SLC30A10: variants seen among roughly 807,000 people sequenced by gnomAD.
The protein encoded by SLC30A10 is solute carrier family 30 member 10.
Under a neutral mutation model 21.7 loss-of-function variants are expected in SLC30A10, and 8 were observed. The observed-to-expected ratio is 0.37, with a 90% CI of 0.22 to 0.67. The LOEUF is 0.67. Ranked by LOEUF, SLC30A10 falls within the 30% of genes least tolerant of loss-of-function variation. SLC30A10 has a pLI of 0.58. For missense variants in SLC30A10, 521 were observed against 642.5 expected, an observed-to-expected ratio of 0.81 and a Z score of 2.04; for synonymous variants, 272 against 279.4, an observed-to-expected ratio of 0.97 and a Z score of 0.26.
intron 1 of SLC30A10, among the ~76,000 whole-genome samples, chr1:219,942,882 T>C (rs547182746): frequency 6.6e-6 from 1 of 152,166 alleles, no homozygotes; most frequent in East Asian, 1.9e-4. Flanking sequence ...CCATCTCTAC[T>C]GAAAATACAA....
intron 1 of SLC30A10, among the ~76,000 whole-genome samples, chr1:219,956,446 AT>A (rs1660353616): frequency 6.6e-6 from 1 of 151,218 alleles, no homozygotes; most frequent in South Asian, 2.1e-4. Context: ...CCTATCACTT[AT>A]TTAAACTAGA....
chr1:219,933,698 A>G (rs751524847), intron 1 of SLC30A10, among the ~76,000 whole-genome samples: 44 of 152,298 alleles, frequency 2.9e-4, no homozygotes, highest in Admixed American at 9.1e-4. Context: ...TTTTAAATCC[A>G]AGTTTAGAGA....
Position 219,918,049 on chromosome 1 carries a change from G to A in SLC30A10, c.958+206C>T, listed in dbSNP as rs1037880735. Among the ~76,000 whole-genome samples the A allele has an allele frequency of 6.6e-6, 1 of 152,072 alleles. No individual in the cohort carries two copies. Among genetic ancestry groups the A allele is most frequent in the Non-Finnish European group, 1.5e-5 (1 of 68,014 alleles). On this transcript the variant is annotated intron_variant, in intron 3 of 3. Transcript: ENST00000366926. The surrounding 1 kb of genome is among the most constrained non-coding windows in gnomAD (Gnocchi z 4.4). Reference sequence around the variant, plus strand: ...TTCTTAAAAATTTGCAGTTGAGTCAGAGAATCACGGATTGCAAAGGACCTT... The same window carrying A: ...TTCTTAAAAATTTGCAGTTGAGTCAAAGAATCACGGATTGCAAAGGACCTT...
At chr1:219,928,617 G>T, upstream of SLC30A10, 1 of 561,412 alleles carries the variant, frequency 1.8e-6, no homozygotes, top group Non-Finnish European at 3.0e-6. The surrounding 1 kb of genome is among the most constrained non-coding windows in gnomAD (Gnocchi z 6.3). Context: ...ACCAGTCCCC[G>T]CACGTCCAGA....
In SLC30A10 at chr1:219,927,917, T is replaced by C. The variant is rs2102535122; in HGVS notation, c.524A>G (p.Asp175Gly). The change falls in exon 1 of 4, where the codon GAC (aspartate) becomes GGC (glycine). Residue 175 changes from aspartate to glycine, a missense_variant. Coordinates refer to ENST00000366926, the MANE Select transcript of SLC30A10 (RefSeq NM_018713.3). ...GAFGGPQGAEDPRRAADPTAP... is the reference protein window; with the variant it reads ...GAFGGPQGAEGPRRAADPTAP... ...TGTCGGGTCCGCCGCGCGCCGCGGG[T>C]CCTCCGCGCCCTGAGGCCCCCCGAA... The C allele has an allele frequency of 6.5e-7, 1 of 1,536,608 alleles. No individual in the cohort carries two copies. Among genetic ancestry groups the C allele is most frequent in the Non-Finnish European group, 8.8e-7 (1 of 1,141,704 alleles).
upstream of SLC30A10, among the ~76,000 whole-genome samples, chr1:219,929,505 G>A (rs1253575804): frequency 6.6e-6 from 1 of 150,418 alleles, no homozygotes; most frequent in Non-Finnish European, 1.5e-5. Flanking sequence ...CTACATGAAG[G>A]TTTATTCCAA....
At position 219,912,669 on chromosome 1, in the gene SLC30A10, C is replaced by G. The variant is rs1157807478; in HGVS notation, c.*2780G>C. ...CTAACATGGTGAAACCCGGTCTCTA[C>G]TAAAAATACAAAAAATTAGCCGGGC... On this transcript the variant is annotated 3_prime_UTR_variant, in exon 4 of 4. Coordinates refer to ENST00000366926, the MANE Select transcript of SLC30A10 (RefSeq NM_018713.3). Among the ~76,000 whole-genome samples the G allele has an allele frequency of 6.6e-6, 1 of 152,056 alleles. No individual in the cohort carries two copies. The highest frequency in any genetic ancestry group is 2.4e-5 in the African/African-American group (1 of 41,404).
At position 219,928,488 on chromosome 1, in the gene SLC30A10, C is replaced by T; in HGVS notation, c.-48G>A. On this transcript the variant is annotated 5_prime_UTR_variant, in exon 1 of 4. Transcript: ENST00000366926. This position sits in a 1 kb window ranked among gnomAD's most constrained non-coding sequence, Gnocchi z 6.3. ...CGGCGCCGCCCAGGGGAGCGCAGCC[C>T]ACCCCGCGCGCAGCCACAGGTGGGG... 1 of 1,461,454 alleles carries T rather than the reference C, an allele frequency of 6.8e-7. No individual in the cohort carries two copies. Among genetic ancestry groups the T allele is most frequent in the South Asian group, 1.4e-5 (1 of 69,718 alleles). 90.5% of individuals were successfully genotyped at this position (1,461,454 alleles called of 1,614,324 possible). A position where few individuals can be genotyped will look rare whatever the true frequency, so the allele number is the denominator to read the frequency against.
At chr1:219,936,505 G>T (rs537198275) in intron 1 of SLC30A10, among the ~76,000 whole-genome samples, 2 of 152,086 alleles carry the variant, frequency 1.3e-5, no homozygotes, top group African/African-American at 4.8e-5. Flanking sequence ...AGGTAGGCAC[G>T]TACACCAATC....
rs143985640 is a variant in SLC30A10 at position 219,937,054 on chromosome 1, A to G, written n.81-9949T>C. Among the ~76,000 whole-genome samples the G allele has an allele frequency of 1.6e-3, 239 of 152,252 alleles. 1 individual carries two copies. Among genetic ancestry groups the G allele is most frequent in the African/African-American group, 5.3e-3 (219 of 41,530 alleles). ...AAAGAAGAGCTCTTGGGTTATCTAC[A>G]TATATATATTTGTTAATGTCATTAT... On this transcript the variant is annotated intron_variant and non_coding_transcript_variant, in intron 1 of 8. Transcript: ENST00000484239.
intron 1 of SLC30A10, among the ~76,000 whole-genome samples, chr1:219,955,158 C>T (rs1660329432): frequency 6.6e-6 from 1 of 152,172 alleles, no homozygotes; most frequent in South Asian, 2.1e-4. Context: ...GCGATCTGGA[C>T]CTACATGTTG....
intron 3 of SLC30A10, among the ~76,000 whole-genome samples, chr1:219,916,967 G>GT (rs1251113347): frequency 6.7e-6 from 1 of 148,394 alleles, no homozygotes. Flanking sequence ...TATCTTGTGG[G>GT]GTTTTTTTTT....
chr1:219,916,059 T>C, intron 3 of SLC30A10, 111 bp from the exon 4 acceptor site: 3 of 1,350,804 alleles, frequency 2.2e-6, no homozygotes, highest in Non-Finnish European at 3.0e-6. Context: ...GCTGCCTACT[T>C]ACTACGAACA....
intron 1 of SLC30A10, among the ~76,000 whole-genome samples, chr1:219,952,701 T>C (rs1337952256): frequency 6.6e-6 from 1 of 152,200 alleles, no homozygotes; most frequent in Non-Finnish European, 1.5e-5. Flanking sequence ...CTCTCTATAC[T>C]CTGACAAAGA....
chr1:219,925,952 C>T (rs141414273), intron 2 of SLC30A10, among the ~76,000 whole-genome samples: 7,134 of 151,826 alleles, frequency 0.047, 278 homozygotes, highest in East Asian at 0.19. Flanking sequence ...TGAGCCACCG[C>T]GCCCACCCCA....
chr1:219,943,354 C>T (rs374150508), intron 1 of SLC30A10, among the ~76,000 whole-genome samples: 3 of 152,238 alleles, frequency 2.0e-5, no homozygotes, highest in South Asian at 2.1e-4. Context: ...CCTGATCTCC[C>T]GCACCTGCTC....
intron 2 of SLC30A10, among the ~76,000 whole-genome samples, chr1:219,919,786 A>AT (rs1176953901): frequency 6.6e-6 from 1 of 152,058 alleles, no homozygotes; most frequent in Non-Finnish European, 1.5e-5. Flanking sequence ...CAAAAAAAAA[A>AT]AAAAAAAATG....
At chr1:219,951,154 C>A (rs1022488565) in intron 1 of SLC30A10, among the ~76,000 whole-genome samples, 1 of 151,906 alleles carries the variant, frequency 6.6e-6, no homozygotes, top group Admixed American at 6.6e-5. Flanking sequence ...AGAGGTGAGT[C>A]CTCGCTATGT....
At chr1:219,922,373 T>A (rs562839716) in intron 2 of SLC30A10, among the ~76,000 whole-genome samples, 20 of 151,910 alleles carry the variant, frequency 1.3e-4, no homozygotes, top group Non-Finnish European at 2.9e-4. Flanking sequence ...GAGTCTCCTG[T>A]GATGAGACAT....
Sources: gnomAD v4.1 joint callset for allele counts (sites outside exome capture counted in the v4.1 genomes callset) on GRCh38, gnomAD v4.1.1 for gene constraint, Gnocchi (gnomAD v3.1) non-coding constraint, MANE v1.5 for transcripts, NCBI Gene and HGNC (gene_info 2026-07-23, HGNC 2026-07-21) for gene names.